Variants in CCDC192 observed in about 807,000 individuals in gnomAD.
The protein encoded by CCDC192 is coiled-coil domain-containing protein 192.
chr5:127,927,869 T>C (rs912217795), intron 6 of CCDC192, among the ~76,000 whole-genome samples: 2 of 152,094 alleles, frequency 1.3e-5, no homozygotes, highest in Non-Finnish European at 2.9e-5. Flanking sequence ...ATTCATTTCC[T>C]GTTGCTGCTA....
At chr5:127,804,673 C>A (rs1757684493) in intron 5 of CCDC192, among the ~76,000 whole-genome samples, 1 of 152,196 alleles carries the variant, frequency 6.6e-6, no homozygotes, top group Non-Finnish European at 1.5e-5. Context: ...CCCAGTAGTT[C>A]TGAAAATGTG....
intron 5 of CCDC192, among the ~76,000 whole-genome samples, chr5:127,840,979 C>G (rs1304347520): frequency 6.6e-6 from 1 of 152,156 alleles, no homozygotes; most frequent in Non-Finnish European, 1.5e-5. Context: ...ACAAGTCAAC[C>G]AGAACCCTGA....
chr5:127,780,674 G>GT (rs75124714), intron 3 of CCDC192, among the ~76,000 whole-genome samples: 1 of 151,942 alleles, frequency 6.6e-6, no homozygotes, highest in South Asian at 2.1e-4. Flanking sequence ...GGGACTGCTT[G>GT]TTTTTTTCTT....
intron 6 of CCDC192, among the ~76,000 whole-genome samples, chr5:127,930,252 C>CTAAAA (rs1186478659): frequency 9.5e-5 from 13 of 136,986 alleles, no homozygotes; most frequent in African/African-American, 3.6e-4. Flanking sequence ...CTAAACTAAA[C>CTAAAA]TAAAATAAAA....
At chr5:127,916,322 C>G (rs1753519694) in intron 6 of CCDC192, among the ~76,000 whole-genome samples, 1 of 152,202 alleles carries the variant, frequency 6.6e-6, no homozygotes, top group Non-Finnish European at 1.5e-5. Context: ...TTAAACCCCT[C>G]AAAGACATTC....
intron 2 of CCDC192, among the ~76,000 whole-genome samples, chr5:127,735,951 A>G: frequency 7.8e-6 from 1 of 127,404 alleles, no homozygotes; most frequent in African/African-American, 3.3e-5. Flanking sequence ...CCTGGCCAGA[A>G]CTTCCAACAC....
At chr5:127,905,128 T>C (rs1419398053) in intron 6 of CCDC192, among the ~76,000 whole-genome samples, 1 of 152,042 alleles carries the variant, frequency 6.6e-6, no homozygotes, top group African/African-American at 2.4e-5. Context: ...AAAAATAAAT[T>C]TTTATGTCTT....
At chr5:127,927,523 A>C (rs1753894979) in intron 6 of CCDC192, among the ~76,000 whole-genome samples, 1 of 152,194 alleles carries the variant, frequency 6.6e-6, no homozygotes, top group Non-Finnish European at 1.5e-5. Flanking sequence ...CGAAGGCAAG[A>C]AGAGTGACAG....
chr5:127,828,929 TG>T (rs1245503429), intron 5 of CCDC192, among the ~76,000 whole-genome samples: 2 of 152,182 alleles, frequency 1.3e-5, no homozygotes, highest in African/African-American at 4.8e-5. Flanking sequence ...AGAAACAGAC[TG>T]GGAGCAATGT....
At chr5:127,867,218 T>C (rs1751649728) in intron 5 of CCDC192, among the ~76,000 whole-genome samples, 1 of 152,224 alleles carries the variant, frequency 6.6e-6, no homozygotes, top group African/African-American at 2.4e-5. Flanking sequence ...TGCCTGTGCT[T>C]TCTGATCCCA....
At chr5:127,913,174 T>C (rs1415965178) in intron 6 of CCDC192, among the ~76,000 whole-genome samples, 5 of 152,198 alleles carry the variant, frequency 3.3e-5, no homozygotes, top group African/African-American at 1.2e-4. Context: ...TGCAAAAGCA[T>C]GTATTATGAT....
At chr5:127,781,636 C>G (rs1337079333) in intron 3 of CCDC192, among the ~76,000 whole-genome samples, 2 of 150,324 alleles carry the variant, frequency 1.3e-5, no homozygotes, top group Admixed American at 1.3e-4. Flanking sequence ...TGATTCTCCA[C>G]TTGGTTGCTG....
intron 3 of CCDC192, among the ~76,000 whole-genome samples, chr5:127,776,446 A>G (rs1391542872): frequency 6.6e-6 from 1 of 152,192 alleles, no homozygotes; most frequent in African/African-American, 2.4e-5. Flanking sequence ...ATTCAGTTTT[A>G]TAAGGAAAGC....
In CCDC192 at chr5:127,804,908, G is replaced by A. The variant is rs1231518904; in HGVS notation, c.411+6746G>A. 3.9e-5 allele frequency among the ~76,000 whole-genome samples: 6 copies of A among 152,202 alleles called. No individual in the cohort carries two copies. In the Middle Eastern group the frequency reaches 0.01, roughly 259 times the overall value. On this transcript the variant is annotated intron_variant, in intron 5 of 6. Transcript: ENST00000514853. ...ACTTTCTGACCAGGACATTGTCCCC[G>A]ACCAGCATTTCACAGATGAGGCTGG...
At chr5:127,718,540 TTGTA>T (rs1751773791) in intron 2 of CCDC192, among the ~76,000 whole-genome samples, 1 of 152,204 alleles carries the variant, frequency 6.6e-6, no homozygotes, top group Non-Finnish European at 1.5e-5. Context: ...GTTGAGGAGT[TTGTA>T]TGTATAGAAG....
chr5:127,849,166 G>A (rs1750690016), intron 5 of CCDC192, among the ~76,000 whole-genome samples: 1 of 152,190 alleles, frequency 6.6e-6, no homozygotes, highest in Non-Finnish European at 1.5e-5. Flanking sequence ...AGAGGCAGAG[G>A]TTGCAGTGAG....
At chr5:127,827,070 T>TG (rs772378325) in intron 5 of CCDC192, among the ~76,000 whole-genome samples, 2 of 152,212 alleles carry the variant, frequency 1.3e-5, no homozygotes, top group Non-Finnish European at 2.9e-5. Context: ...GATCATGATT[T>TG]GTGTAGTGGA....
At chr5:127,835,333 T>C (rs1749988053) in intron 5 of CCDC192, among the ~76,000 whole-genome samples, 1 of 152,252 alleles carries the variant, frequency 6.6e-6, no homozygotes, top group Non-Finnish European at 1.5e-5. Flanking sequence ...AAATTCACTC[T>C]GATATTTTTC....
intron 3 of CCDC192, among the ~76,000 whole-genome samples, chr5:127,772,649 A>G (rs989280617): frequency 6.6e-6 from 1 of 152,130 alleles, no homozygotes; most frequent in Non-Finnish European, 1.5e-5. Flanking sequence ...AAAATCTGGT[A>G]AAAATCCTCC....
Sources: allele counts gnomAD v4.1 joint callset (sites outside exome capture counted in the v4.1 genomes callset), GRCh38; gene constraint gnomAD v4.1.1; transcripts MANE v1.5; gene names NCBI Gene and HGNC (gene_info 2026-07-23, HGNC 2026-07-21).